LRRC4C: variants seen among roughly 807,000 people sequenced by gnomAD.
LRRC4C encodes the protein leucine rich repeat containing 4C.
LRRC4C carries 5 observed loss-of-function variants against 33.6 expected under a neutral mutation model. That is an observed-to-expected ratio of 0.15 (90% CI 0.08 to 0.31). The LOEUF is 0.31. Ranked by LOEUF, LRRC4C falls within the 10% of genes least tolerant of loss-of-function variation. LRRC4C has a pLI of 1.00. For missense variants in LRRC4C, 560 were observed against 796.7 expected, an observed-to-expected ratio of 0.70 and a Z score of 3.58; for synonymous variants, 329 against 302.0, an observed-to-expected ratio of 1.09 and a Z score of -0.93.
intron 1 of LRRC4C, among the ~76,000 whole-genome samples, chr11:41,169,683 A>C (rs1944884072): frequency 6.6e-6 from 1 of 152,164 alleles, no homozygotes; most frequent in Non-Finnish European, 1.5e-5. Context: ...TACTGATCGC[A>C]CTTTAAATTA....
intron 3 of LRRC4C, among the ~76,000 whole-genome samples, chr11:40,614,567 CT>C (rs146505422): frequency 0.45 from 68,109 of 150,418 alleles, 16,124 homozygotes; most frequent in Middle Eastern, 0.6. Context: ...TCTTCAACGA[CT>C]TTTTTTTTTC....
chr11:40,733,978 G>A (rs182355971), intron 2 of LRRC4C, among the ~76,000 whole-genome samples: 1 of 152,160 alleles, frequency 6.6e-6, no homozygotes, highest in Admixed American at 6.5e-5. Context: ...ATCACTTTAG[G>A]TAGTAAAAAG....
At chr11:40,375,852 A>T (rs2137298665) in intron 3 of LRRC4C, among the ~76,000 whole-genome samples, 1 of 152,308 alleles carries the variant, frequency 6.6e-6, no homozygotes, top group East Asian at 1.9e-4. Flanking sequence ...CCTGGTTTCA[A>T]ACCCCAGCTT....
At chr11:40,613,681 T>G (rs555575251) in intron 3 of LRRC4C, among the ~76,000 whole-genome samples, 7 of 151,944 alleles carry the variant, frequency 4.6e-5, no homozygotes, top group African/African-American at 1.7e-4. Flanking sequence ...GATTTCCAAT[T>G]TACTTTGCCA....
At chr11:41,303,460 G>A (rs958113885) in intron 1 of LRRC4C, among the ~76,000 whole-genome samples, 1 of 132,328 alleles carries the variant, frequency 7.6e-6, no homozygotes, top group African/African-American at 2.8e-5. Context: ...CCAGCCGCCT[G>A]CCTTGGCCTC....
intron 3 of LRRC4C, among the ~76,000 whole-genome samples, chr11:40,554,229 G>A (rs1316728923): frequency 3.3e-5 from 5 of 152,058 alleles, no homozygotes; most frequent in African/African-American, 1.2e-4. Context: ...TATGTACTTT[G>A]TTGAAGAGCA....
chr11:40,186,962 G>C (rs1226976465), intron 5 of LRRC4C, among the ~76,000 whole-genome samples: 1 of 152,128 alleles, frequency 6.6e-6, no homozygotes, highest in Non-Finnish European at 1.5e-5. Context: ...AGAGTGGCAG[G>C]GCTGTGCTGG....
chr11:40,593,516 AAG>A (rs1959152298), intron 3 of LRRC4C, among the ~76,000 whole-genome samples: 1 of 152,220 alleles, frequency 6.6e-6, no homozygotes, highest in East Asian at 1.9e-4. Context: ...TGTACTGAAC[AAG>A]AGAGAAACAG....
intron 1 of LRRC4C, among the ~76,000 whole-genome samples, chr11:41,213,235 T>C (rs1044855580): frequency 3.9e-5 from 6 of 152,208 alleles, no homozygotes; most frequent in African/African-American, 4.8e-5. Context: ...TATAAACATT[T>C]CTAATAGGTT....
chr11:41,144,648 A>G (rs1049434081), intron 1 of LRRC4C, among the ~76,000 whole-genome samples: 54 of 152,214 alleles, frequency 3.5e-4, no homozygotes, highest in Admixed American at 2.6e-4. Context: ...CAACCTGTAC[A>G]TGGCCATCTT....
chr11:40,454,574 GCT>G (rs994212076), intron 3 of LRRC4C, among the ~76,000 whole-genome samples: 1 of 152,018 alleles, frequency 6.6e-6, no homozygotes, highest in Non-Finnish European at 1.5e-5. Context: ...CAACTTCTTA[GCT>G]CTCTGTTTTG....
rs543006343 is a variant in LRRC4C, at chr11:41,003,937, A to C, written c.-495-70214T>G. Among the ~76,000 whole-genome samples, 6 of 152,232 alleles carry C rather than the reference A, an allele frequency of 3.9e-5. No homozygotes were observed. The East Asian group carries it at 1.2e-3, about 29-fold the overall frequency. On this transcript the variant is annotated intron_variant, in intron 1 of 6. Transcript: ENST00000528697. ...AAAGAGTGAGAACTCCAAAGGTCAC[A>C]TTCCAAAGTCTAGTGAATAAAGAAA...
chr11:40,912,416 C>T (rs989955076), intron 2 of LRRC4C, among the ~76,000 whole-genome samples: 64 of 152,188 alleles, frequency 4.2e-4, no homozygotes, highest in African/African-American at 1.3e-3. Flanking sequence ...AAAAGAATTT[C>T]CAACCCAGAA....
At chr11:40,988,713 CTTTTTTTT>C in intron 1 of LRRC4C, among the ~76,000 whole-genome samples, 1 of 57,750 alleles carries the variant, frequency 1.7e-5, no homozygotes, top group South Asian at 8.2e-4. Context: ...CTTTTCTTTT[CTTTTTTTT>C]TTTTTTTTTT....
At chr11:40,289,210 A>G (rs1944036557) in intron 4 of LRRC4C, among the ~76,000 whole-genome samples, 1 of 152,196 alleles carries the variant, frequency 6.6e-6, no homozygotes, top group South Asian at 2.1e-4. Flanking sequence ...GTGCTTAGCC[A>G]GATTGTTATT....
At chr11:40,330,949 T>C (rs1946334528) in intron 3 of LRRC4C, among the ~76,000 whole-genome samples, 1 of 152,170 alleles carries the variant, frequency 6.6e-6, no homozygotes, top group African/African-American at 2.4e-5. Context: ...TTGTATCCAT[T>C]AACCAATTTC....
intron 1 of LRRC4C, among the ~76,000 whole-genome samples, chr11:40,950,492 T>C (rs937909027): frequency 2.0e-5 from 3 of 152,124 alleles, no homozygotes; most frequent in Admixed American, 6.6e-5. Context: ...TATTTTTCTT[T>C]GTATTATAAT....
chr11:41,424,303 A>T (rs989015561), intron 1 of LRRC4C, among the ~76,000 whole-genome samples: 2 of 152,084 alleles, frequency 1.3e-5, no homozygotes, highest in African/African-American at 4.8e-5. Flanking sequence ...AACAATATCA[A>T]CAAGTCACAG....
chr11:41,130,361 T>C (rs937229961), intron 1 of LRRC4C, among the ~76,000 whole-genome samples: 1 of 151,954 alleles, frequency 6.6e-6, no homozygotes, highest in Admixed American at 6.6e-5. Context: ...CTATTCTTCT[T>C]TCTTCTAGTC....
Sources: allele counts gnomAD v4.1 joint callset (sites outside exome capture counted in the v4.1 genomes callset), GRCh38; gene constraint gnomAD v4.1.1; transcripts MANE v1.5; gene names NCBI Gene and HGNC (gene_info 2026-07-23, HGNC 2026-07-21).